NLGN1: variants seen among roughly 807,000 people sequenced by gnomAD.
The protein encoded by NLGN1 is neuroligin-1.
A neutral mutation model predicts 65.5 loss-of-function variants in NLGN1; 12 were observed. That is an observed-to-expected ratio of 0.18 (90% CI 0.12 to 0.30). The LOEUF (loss-of-function observed/expected upper bound fraction) is 0.30. Among genes scored for constraint, NLGN1 ranks in the 10% least tolerant of loss-of-function variants. The pLI, the probability that NLGN1 is intolerant of heterozygous loss-of-function variation, is 1.00. For synonymous variants in NLGN1, 350 were observed against 359.5 expected, an observed-to-expected ratio of 0.97 and a Z score of 0.30; for missense variants, 750 against 1,007.1, an observed-to-expected ratio of 0.74 and a Z score of 3.46.
intron 4 of NLGN1, among the ~76,000 whole-genome samples, chr3:173,820,199 A>AAAAAC: frequency 6.6e-6 from 1 of 152,038 alleles, no homozygotes. Flanking sequence ...AAAAAAAAAA[A>AAAAAC]AAAACGAGAA....
At chr3:174,039,278 T>C (rs548377995) in intron 4 of NLGN1, among the ~76,000 whole-genome samples, 1 of 152,204 alleles carries the variant, frequency 6.6e-6, no homozygotes, top group South Asian at 2.1e-4. Flanking sequence ...AATTTTACTT[T>C]AAGTTCCAGG....
At chr3:174,113,949 G>C (rs1369863620) in intron 4 of NLGN1, among the ~76,000 whole-genome samples, 2 of 152,108 alleles carry the variant, frequency 1.3e-5, no homozygotes, top group African/African-American at 4.8e-5. Context: ...CAGTAGAACT[G>C]ATAGAACTTA....
chr3:174,087,224 G>A (rs1743596226), intron 4 of NLGN1, among the ~76,000 whole-genome samples: 1 of 152,090 alleles, frequency 6.6e-6, no homozygotes, highest in Non-Finnish European at 1.5e-5. Flanking sequence ...CCCGTGACAT[G>A]AGTTTAGATT....
At chr3:173,994,302 T>C (rs2152417346) in intron 4 of NLGN1, among the ~76,000 whole-genome samples, 1 of 151,916 alleles carries the variant, frequency 6.6e-6, no homozygotes, top group Non-Finnish European at 1.5e-5. Flanking sequence ...TTTTGCCATG[T>C]TGCCCAGACT....
At chr3:173,568,036 G>T (rs900916127) in intron 2 of NLGN1, among the ~76,000 whole-genome samples, 2 of 151,904 alleles carry the variant, frequency 1.3e-5, no homozygotes, top group African/African-American at 4.8e-5. Context: ...TATACATTGT[G>T]CAATGACTAA....
intron 4 of NLGN1, among the ~76,000 whole-genome samples, chr3:173,847,066 T>G (rs1300947188): frequency 6.6e-6 from 1 of 152,162 alleles, no homozygotes; most frequent in Non-Finnish European, 1.5e-5. Flanking sequence ...CCATGATGCT[T>G]AATAATAGTC....
intron 4 of NLGN1, among the ~76,000 whole-genome samples, chr3:174,121,298 A>G (rs1717730855): frequency 1.3e-5 from 2 of 152,184 alleles, no homozygotes; most frequent in Admixed American, 1.3e-4. Context: ...CTCTGTCCAT[A>G]GGTCCTAAGT....
intron 4 of NLGN1, among the ~76,000 whole-genome samples, chr3:173,951,515 T>C (rs1334175871): frequency 1.3e-5 from 2 of 150,964 alleles, no homozygotes; most frequent in Non-Finnish European, 2.9e-5. Flanking sequence ...CAGGCTGGAG[T>C]GCAGTGGTGC....
At chr3:174,114,719 T>C (rs1716005217) in intron 4 of NLGN1, among the ~76,000 whole-genome samples, 1 of 152,174 alleles carries the variant, frequency 6.6e-6, no homozygotes, top group South Asian at 2.1e-4. Context: ...ACTTATACAT[T>C]ATCCGTAAGG....
intron 4 of NLGN1, among the ~76,000 whole-genome samples, chr3:174,120,050 A>G (rs1374611033): frequency 6.6e-6 from 1 of 152,238 alleles, no homozygotes; most frequent in Non-Finnish European, 1.5e-5. Flanking sequence ...GACATTAAAA[A>G]TAGCAAACAT....
chr3:174,079,365 T>TA (rs1741679228), intron 4 of NLGN1, among the ~76,000 whole-genome samples: 1 of 152,026 alleles, frequency 6.6e-6, no homozygotes, highest in African/African-American at 2.4e-5. Context: ...TCAGAATGGT[T>TA]AAAGAAATTT....
chr3:173,818,397 G>A (rs1719472664), intron 4 of NLGN1, among the ~76,000 whole-genome samples: 1 of 152,076 alleles, frequency 6.6e-6, no homozygotes. Context: ...TTTCCTGCAT[G>A]CATTTACAAA....
chr3:173,581,184 G>T (rs1307912989), intron 2 of NLGN1, among the ~76,000 whole-genome samples: 8 of 151,910 alleles, frequency 5.3e-5, no homozygotes, highest in Non-Finnish European at 1.2e-4. Flanking sequence ...TGAGTCCAGG[G>T]TGCATTGAAT....
intron 4 of NLGN1, among the ~76,000 whole-genome samples, chr3:174,010,216 C>T (rs1725260100): frequency 6.6e-6 from 1 of 152,194 alleles, no homozygotes; most frequent in South Asian, 2.1e-4. Context: ...TTTAGGCCAA[C>T]TCAGTCTCTG....
intron 2 of NLGN1, among the ~76,000 whole-genome samples, chr3:173,537,065 A>G (rs1737553701): frequency 6.6e-6 from 1 of 152,214 alleles, no homozygotes; most frequent in South Asian, 2.1e-4. Flanking sequence ...GATGAGACCC[A>G]CATACATTGG....
intron 2 of NLGN1, among the ~76,000 whole-genome samples, chr3:173,451,052 T>A (rs549786220): frequency 6.6e-6 from 1 of 152,336 alleles, no homozygotes; most frequent in African/African-American, 2.4e-5. Flanking sequence ...GAAGCCTTCT[T>A]CTCTCAACTC....
intron 1 of NLGN1, among the ~76,000 whole-genome samples, chr3:173,422,083 ATATG>A (rs1003985225): frequency 6.6e-6 from 1 of 152,018 alleles, no homozygotes; most frequent in African/African-American, 2.4e-5. Flanking sequence ...CATGATATAT[ATATG>A]TGTGTATATA....
chr3:174,212,957 T>G (rs539945222), intron 4 of NLGN1, among the ~76,000 whole-genome samples: 223 of 152,324 alleles, frequency 1.5e-3, no homozygotes, highest in African/African-American at 5.2e-3. Context: ...GCCTTTCTCT[T>G]TGACACTTAA....
intron 4 of NLGN1, among the ~76,000 whole-genome samples, chr3:174,022,023 G>A (rs1727851692): frequency 6.6e-6 from 1 of 152,110 alleles, no homozygotes; most frequent in Non-Finnish European, 1.5e-5. Flanking sequence ...TCTTCTCCCT[G>A]CTCCAGGCTG....
Sources: allele counts gnomAD v4.1 joint callset (sites outside exome capture counted in the v4.1 genomes callset), GRCh38; gene constraint gnomAD v4.1.1; transcripts MANE v1.5; gene names NCBI Gene and HGNC (gene_info 2026-07-23, HGNC 2026-07-21).